The following KCNC2 variants were observed in gnomAD, a reference collection of about 807,000 sequenced individuals.
KCNC2 encodes the protein voltage-gated potassium channel KCNC2.
Under a neutral mutation model 44.5 loss-of-function variants are expected in KCNC2, and 21 were observed. The observed-to-expected ratio is 0.47, with a 90% CI of 0.33 to 0.68. The LOEUF (loss-of-function observed/expected upper bound fraction) is 0.68. KCNC2 is among the 30% of genes least tolerant of loss of function. The probability of loss-of-function intolerance (pLI) is 0.01; values close to 1 mark genes in which losing one functional copy is unlikely to be tolerated. For missense variants in KCNC2, 589 were observed against 826.2 expected (o/e 0.71, Z 3.52); for synonymous variants, 391 against 339.1 (o/e 1.15, Z -1.68).
At chr12:75,101,593 T>A (rs1279455634) in intron 2 of KCNC2, among the ~76,000 whole-genome samples, 3 of 152,068 alleles carry the variant, frequency 2.0e-5, no homozygotes, top group South Asian at 2.1e-4. Flanking sequence ...GTCCCTCAGA[T>A]CACTTTTTCT....
chr12:75,194,919 T>G (rs2030630748), intron 2 of KCNC2, among the ~76,000 whole-genome samples: 1 of 152,170 alleles, frequency 6.6e-6, no homozygotes, highest in Non-Finnish European at 1.5e-5. Context: ...ATCTTCCCAG[T>G]TTAATACCTG....
At chr12:75,093,721 T>C (rs1406706506) in intron 2 of KCNC2, among the ~76,000 whole-genome samples, 3 of 151,786 alleles carry the variant, frequency 2.0e-5, no homozygotes, top group Admixed American at 6.6e-5. Flanking sequence ...TCAATTTAAA[T>C]GGCCAATGGC....
At chr12:75,081,870 A>C (rs1338623524) in intron 2 of KCNC2, among the ~76,000 whole-genome samples, 2 of 152,166 alleles carry the variant, frequency 1.3e-5, no homozygotes, top group Non-Finnish European at 2.9e-5. Context: ...TTACCTAGAC[A>C]CCTAAACTGT....
In KCNC2 at chr12:75,099,699, T is replaced by A. The variant is rs538834545; in HGVS notation, c.688-48382A>T. 1.1e-4 allele frequency among the ~76,000 whole-genome samples: 17 copies of A among 152,292 alleles called. No individual in the cohort carries two copies. In the East Asian group the frequency reaches 3.1e-3, roughly 28 times the overall value. On this transcript the variant is annotated intron_variant, in intron 2 of 4. Coordinates refer to ENST00000549446, the MANE Select transcript of KCNC2 (RefSeq NM_139137.4). ...TTGCTCAAATACAAGATTTCTATTATCCTCATTTTAACCTCAAGTCTCTAT... is the reference window on the plus strand; with the variant it reads ...TTGCTCAAATACAAGATTTCTATTAACCTCATTTTAACCTCAAGTCTCTAT...
chr12:75,086,276 C>G (rs1388150051), intron 2 of KCNC2, among the ~76,000 whole-genome samples: 1 of 151,970 alleles, frequency 6.6e-6, no homozygotes, highest in Non-Finnish European at 1.5e-5. Context: ...GAAGACAAGA[C>G]AGTGTGCCAA....
At chr12:75,130,613 A>T (rs546612446) in intron 2 of KCNC2, among the ~76,000 whole-genome samples, 1 of 152,178 alleles carries the variant, frequency 6.6e-6, no homozygotes, top group Non-Finnish European at 1.5e-5. Flanking sequence ...CATCAATAAG[A>T]AATTATTATA....
chr12:75,183,016 G>A (rs1432232320), intron 2 of KCNC2, among the ~76,000 whole-genome samples: 1 of 152,186 alleles, frequency 6.6e-6, no homozygotes, highest in African/African-American at 2.4e-5. Context: ...TGAATACATG[G>A]CCATCCGGCC....
At chr12:75,136,995 T>A (rs992877616) in intron 2 of KCNC2, among the ~76,000 whole-genome samples, 1 of 152,166 alleles carries the variant, frequency 6.6e-6, no homozygotes, top group Non-Finnish European at 1.5e-5. Flanking sequence ...AATTATAACC[T>A]GCTCTATTTT....
rs1448848061 is a variant in KCNC2 at position 75,041,139 on chromosome 12, C to T, written c.*1966G>A. Reference sequence around the variant, plus strand: ...GCAGAAGTCTGTTTCCAGTATAGTCCTTGGTATGGCTAAATTCCACTGTCC... The same window carrying T: ...GCAGAAGTCTGTTTCCAGTATAGTCTTTGGTATGGCTAAATTCCACTGTCC... On this transcript the variant is annotated 3_prime_UTR_variant, in exon 5 of 5. Coordinates refer to ENST00000549446, the MANE Select transcript of KCNC2 (RefSeq NM_139137.4). 4 of 1,596,704 alleles carry T rather than the reference C, an allele frequency of 2.5e-6. No homozygotes were observed. Among genetic ancestry groups the T allele is most frequent in the Admixed American group, 1.7e-5 (1 of 59,818 alleles).
At chr12:75,099,036 T>C (rs36078927) in intron 2 of KCNC2, among the ~76,000 whole-genome samples, 24,440 of 152,144 alleles carry the variant, frequency 0.16, 2,380 homozygotes, top group Admixed American at 0.25. Context: ...ATATCTTCTA[T>C]TTTCTTTAAT....
At chr12:75,137,558 G>T (rs886992002) in intron 2 of KCNC2, among the ~76,000 whole-genome samples, 18 of 152,066 alleles carry the variant, frequency 1.2e-4, no homozygotes, top group Non-Finnish European at 2.9e-5. Flanking sequence ...ATTAAAAACA[G>T]CTGTATTATA....
intron 2 of KCNC2, among the ~76,000 whole-genome samples, chr12:75,075,458 CATATATATATATAT>C (rs5799200): frequency 6.9e-6 from 1 of 145,602 alleles, no homozygotes; most frequent in Middle Eastern, 3.7e-3. Context: ...TATATATATA[CATATATATATATAT>C]ATATATATAT....
chr12:75,162,142 G>C (rs1891161426), intron 2 of KCNC2, among the ~76,000 whole-genome samples: 1 of 151,586 alleles, frequency 6.6e-6, no homozygotes, highest in Admixed American at 6.6e-5. Flanking sequence ...CTCAACTTTA[G>C]TGAGCATTTC....
rs908186080 is a variant in KCNC2 at position 75,059,276 on chromosome 12, T to A, written c.688-7959A>T. Among the ~76,000 whole-genome samples the A allele has an allele frequency of 7.9e-5, 12 of 152,266 alleles. No homozygotes were observed. In the East Asian group the frequency reaches 2.3e-3, roughly 29 times the overall value. On this transcript the variant is annotated intron_variant, in intron 2 of 4. Coordinates refer to ENST00000549446, the MANE Select transcript of KCNC2 (RefSeq NM_139137.4). Reference sequence around the variant, plus strand: ...AACTATATCAACTGCTTTCACATCATGGTCTAGGGACTCCTAGTAGCCATG... The same window carrying A: ...AACTATATCAACTGCTTTCACATCAAGGTCTAGGGACTCCTAGTAGCCATG...
intron 2 of KCNC2, among the ~76,000 whole-genome samples, chr12:75,094,157 A>C (rs892671860): frequency 2.0e-5 from 3 of 151,704 alleles, no homozygotes; most frequent in African/African-American, 7.2e-5. Flanking sequence ...GTTAAGAGTA[A>C]AGTTAAATAT....
intron 2 of KCNC2, among the ~76,000 whole-genome samples, chr12:75,174,522 T>G (rs1270824442): frequency 6.6e-6 from 1 of 151,918 alleles, no homozygotes; most frequent in Non-Finnish European, 1.5e-5. Context: ...AATGTTGCAG[T>G]CATATTATAT....
intron 2 of KCNC2, among the ~76,000 whole-genome samples, chr12:75,055,097 G>A (rs1881598910): frequency 6.6e-6 from 1 of 152,016 alleles, no homozygotes; most frequent in African/African-American, 2.4e-5. Flanking sequence ...TTCCTTCACT[G>A]AACTGAGAAA....
At chr12:75,066,406 T>A (rs1459106072) in intron 2 of KCNC2, among the ~76,000 whole-genome samples, 1 of 152,210 alleles carries the variant, frequency 6.6e-6, no homozygotes, top group African/African-American at 2.4e-5. Flanking sequence ...TATGACTAAA[T>A]TAAAGTTTCC....
intron 2 of KCNC2, among the ~76,000 whole-genome samples, chr12:75,069,129 CTTTTTT>C (rs1158151551): frequency 2.4e-4 from 15 of 63,660 alleles, no homozygotes; most frequent in African/African-American, 6.5e-4. Flanking sequence ...TTTATATAAT[CTTTTTT>C]TTTTTTTTTT....
Sources: allele counts gnomAD v4.1 joint callset (sites outside exome capture counted in the v4.1 genomes callset), GRCh38; gene constraint gnomAD v4.1.1; transcripts MANE v1.5; gene names NCBI Gene and HGNC (gene_info 2026-07-23, HGNC 2026-07-21).